Variants in ITPR2 observed in about 807,000 individuals in gnomAD.
ITPR2 encodes inositol 1,4,5-trisphosphate-gated calcium channel ITPR2.
In ITPR2, 207 loss-of-function variants were observed where a neutral mutation model predicts 317.1. The ratio of observed to expected loss-of-function variants is 0.65; its 90% CI spans 0.58 to 0.73. ITPR2 has a LOEUF of 0.73. Ranked by LOEUF, ITPR2 falls within the 30% of genes least tolerant of loss-of-function variation. The probability of loss-of-function intolerance (pLI) is 0.00; values close to 1 mark genes in which losing one functional copy is unlikely to be tolerated. For synonymous variants in ITPR2, 1,156 were observed against 1,149.1 expected, an observed-to-expected ratio of 1.01 and a Z score of -0.12; for missense variants, 2,613 against 3,284.0, an observed-to-expected ratio of 0.80 and a Z score of 4.99.
At chr12:26,374,024 C>T (rs1001636166) in intron 55 of ITPR2, among the ~76,000 whole-genome samples, 6 of 152,218 alleles carry the variant, frequency 3.9e-5, no homozygotes, top group African/African-American at 1.4e-4. Flanking sequence ...GCTCCTACCA[C>T]TCCTGTTCAC....
intron 13 of ITPR2, among the ~76,000 whole-genome samples, chr12:26,678,718 A>G (rs1362207215): frequency 2.6e-5 from 4 of 152,318 alleles, no homozygotes; most frequent in South Asian, 4.1e-4. Flanking sequence ...TGCTATTAAT[A>G]CAACGTTTTT....
chr12:26,537,802 T>C (rs1044691176), intron 37 of ITPR2, among the ~76,000 whole-genome samples: 1 of 152,208 alleles, frequency 6.6e-6, no homozygotes, highest in Non-Finnish European at 1.5e-5. Context: ...TGAGATAAGA[T>C]AGACCTAACA....
rs1311410477 is a variant in ITPR2, at chr12:26,715,824, G to A, written c.636C>T (p.Val212=). The A allele has an allele frequency of 1.9e-6, 3 of 1,605,336 alleles. No individual in the cohort carries two copies. Among genetic ancestry groups the A allele is most frequent in the Non-Finnish European group, 2.6e-6 (3 of 1,172,762 alleles). ...TGATTTTCCAGCTGGTGTTGCAATT[G>A]ACAGCATTCACCTATTAATGAAGAA... ...DNPGCKEVNA[V]NCNTSWKITL... The change falls in exon 7 of 57, where the codon GTC becomes GTT. Residue 212 remains valine (V), a synonymous_variant. Transcript: ENST00000381340.
At chr12:26,439,500 A>C (rs1941436434) in intron 46 of ITPR2, among the ~76,000 whole-genome samples, 181 bp from the exon 47 acceptor site, 1 of 152,238 alleles carries the variant, frequency 6.6e-6, no homozygotes. Flanking sequence ...CTCTTTAAAA[A>C]AGAGAAATTA....
At chr12:26,777,920 G>A (rs1042284491) in intron 2 of ITPR2, among the ~76,000 whole-genome samples, 4 of 152,146 alleles carry the variant, frequency 2.6e-5, no homozygotes, top group Admixed American at 6.5e-5. Flanking sequence ...ATATTTTAGG[G>A]ACTGCTGGAC....
chr12:26,812,970 A>G (rs1297295316), intron 1 of ITPR2, among the ~76,000 whole-genome samples: 1 of 152,238 alleles, frequency 6.6e-6, no homozygotes, highest in East Asian at 1.9e-4. Context: ...ATAGTACAAC[A>G]TGGACCTGAG....
rs1458104004 is a variant in ITPR2, at chr12:26,695,923, C to T, written c.952-273G>A. On this transcript the variant is annotated intron_variant, in intron 9 of 56. Coordinates refer to ENST00000381340, the MANE Select transcript of ITPR2 (RefSeq NM_002223.4). ...GTAAGAATTGACAATATCACCTCCT[C>T]TGGAAAAATATTCAATAGAGTTCAC... Among the ~76,000 whole-genome samples, 4 of 152,104 alleles carry T rather than the reference C, an allele frequency of 2.6e-5. No individual in the cohort carries two copies. In the East Asian group the frequency reaches 7.7e-4, roughly 29 times the overall value.
intron 49 of ITPR2, among the ~76,000 whole-genome samples, chr12:26,422,210 CTAAT>C (rs1238488480): frequency 6.7e-6 from 1 of 149,016 alleles, no homozygotes; most frequent in Non-Finnish European, 1.5e-5. Flanking sequence ...AATAATTTAA[CTAAT>C]TAGTTAAACT....
intron 21 of ITPR2, among the ~76,000 whole-genome samples, chr12:26,652,117 A>G (rs893853181): frequency 2.0e-5 from 3 of 152,116 alleles, no homozygotes; most frequent in Non-Finnish European, 4.4e-5. Flanking sequence ...ATACAATTTC[A>G]TTTCATTCCC....
Position 26,686,525 on chromosome 12 carries a change from T to C in ITPR2, c.1104A>G (p.Glu368=), listed in dbSNP as rs371825682. 2.8e-5 allele frequency: 45 copies of C among 1,611,054 alleles called. No homozygotes were observed. In the African/African-American group the frequency reaches 5.5e-4, roughly 20 times the overall value. ...PHGNDIASLF[E]LDATTLQRAD... ...CTCTCTGAAGAGTTGTGGCATCTAG[T>C]TCAAAAAGGGATGCAATGTCATTGC... Residue 368 remains glutamate, a synonymous_variant, in exon 11 of 57, where the codon GAA becomes GAG. Coordinates refer to ENST00000381340, the MANE Select transcript of ITPR2 (RefSeq NM_002223.4).
intron 55 of ITPR2, 24 bp from the exon 56 acceptor site, chr12:26,340,352 A>C (rs770147017): frequency 6.4e-7 from 1 of 1,574,626 alleles, no homozygotes; most frequent in South Asian, 1.2e-5. Flanking sequence ...AATGTGTGCG[A>C]ACAAGGGAAT....
intron 13 of ITPR2, 111 bp from the exon 14 acceptor site, chr12:26,666,162 A>ATAGATAGATAGATAGATATAT (rs34107444): frequency 7.5e-6 from 3 of 400,482 alleles, no homozygotes; most frequent in Non-Finnish European, 8.6e-6. Context: ...AGATAGATAG[A>ATAGATAGATAGATAGATATAT]TTTTTTTTTA....
intron 2 of ITPR2, among the ~76,000 whole-genome samples, chr12:26,742,982 C>T (rs1949259882): frequency 6.6e-6 from 1 of 152,104 alleles, no homozygotes; most frequent in South Asian, 2.1e-4. Flanking sequence ...AGGAGCTTCG[C>T]CAGGGCTGGG....
chr12:26,436,138 T>G, intron 48 of ITPR2, 83 bp downstream of exon 48: 2 of 1,292,786 alleles, frequency 1.5e-6, no homozygotes, highest in Non-Finnish European at 2.1e-6. Context: ...TTAACAGGAA[T>G]GAAATTATTC....
At chr12:26,782,034 G>GAGAGA (rs1950101787) in intron 2 of ITPR2, among the ~76,000 whole-genome samples, 9 of 45,408 alleles carry the variant, frequency 2.0e-4, no homozygotes, top group African/African-American at 7.7e-4. Context: ...ATATATATAT[G>GAGAGA]TATAGAGAGA....
chr12:26,546,363 T>C (rs1944390349), intron 37 of ITPR2, among the ~76,000 whole-genome samples: 1 of 152,170 alleles, frequency 6.6e-6, no homozygotes, highest in South Asian at 2.1e-4. Flanking sequence ...CCCTTCCCAG[T>C]CTCTGTTACC....
At chr12:26,617,172 A>T (rs1315194352) in intron 26 of ITPR2, among the ~76,000 whole-genome samples, 1 of 152,188 alleles carries the variant, frequency 6.6e-6, no homozygotes, top group Non-Finnish European at 1.5e-5. Flanking sequence ...ACTGTACATA[A>T]AACTCTGGAA....
intron 37 of ITPR2, among the ~76,000 whole-genome samples, chr12:26,543,925 C>A (rs938358774): frequency 6.6e-6 from 1 of 152,076 alleles, no homozygotes; most frequent in Non-Finnish European, 1.5e-5. Context: ...TATGCCAACC[C>A]CAAAGGAAAA....
intron 48 of ITPR2, 45 bp downstream of exon 48, chr12:26,436,176 G>A (rs778377868): frequency 6.8e-7 from 1 of 1,470,064 alleles, no homozygotes; most frequent in South Asian, 1.4e-5. Context: ...ATAGTTAAGT[G>A]GGAACTTTAA....
Sources: gnomAD v4.1 joint callset for allele counts (sites outside exome capture counted in the v4.1 genomes callset) on GRCh38, gnomAD v4.1.1 for gene constraint, MANE v1.5 for transcripts, NCBI Gene and HGNC (gene_info 2026-07-23, HGNC 2026-07-21) for gene names.